Variants in AQP9 observed in about 807,000 individuals in gnomAD.
AQP9 encodes aquaporin-9.
Under a neutral mutation model 23.8 loss-of-function variants are expected in AQP9, and 19 were observed. That is an observed-to-expected ratio of 0.80 (90% CI 0.56 to 1.17). The LOEUF is 1.17. Ranked by LOEUF, AQP9 falls within the 50% of genes most tolerant of loss-of-function variation. AQP9 has a pLI of 0.00. For synonymous variants in AQP9, 153 were observed against 131.5 expected (o/e 1.16, Z -1.12); for missense variants, 413 against 362.0 (o/e 1.14, Z -1.14).
chr15:58,163,057 G>A (rs920545324), intron 1 of AQP9, among the ~76,000 whole-genome samples: 1 of 152,322 alleles, frequency 6.6e-6, no homozygotes, highest in Non-Finnish European at 1.5e-5. Context: ...CAACTAGAAG[G>A]TGGTGTTATG....
intron 1 of AQP9, among the ~76,000 whole-genome samples, chr15:58,142,869 G>T (rs963931528): frequency 6.6e-6 from 1 of 152,118 alleles, no homozygotes; most frequent in South Asian, 2.1e-4. Flanking sequence ...AGCTAGAGCT[G>T]TCAGTTGGCC....
chr15:58,156,718 T>G (rs1898268951), intron 1 of AQP9, among the ~76,000 whole-genome samples: 1 of 152,170 alleles, frequency 6.6e-6, no homozygotes, highest in South Asian at 2.1e-4. Flanking sequence ...CAGGGCCTCA[T>G]TCCCCTGTAC....
At chr15:58,139,635 T>C (rs1897917371) in intron 1 of AQP9, among the ~76,000 whole-genome samples, 1 of 152,244 alleles carries the variant, frequency 6.6e-6, no homozygotes, top group Non-Finnish European at 1.5e-5. Context: ...AAAAGTTCTT[T>C]GCTTGGGGCA....
At chr15:58,173,994 A>T (rs573020064) in intron 3 of AQP9, among the ~76,000 whole-genome samples, 1 of 152,212 alleles carries the variant, frequency 6.6e-6, no homozygotes, top group African/African-American at 2.4e-5. Context: ...GAAATGGGTC[A>T]TGGAGGGCTG....
intron 4 of AQP9, 38 bp downstream of exon 4, chr15:58,175,074 A>AAGAT: frequency 1.3e-6 from 2 of 1,519,472 alleles, no homozygotes; most frequent in South Asian, 2.2e-5. Flanking sequence ...CTTTGGTGAA[A>AAGAT]AGATATGCTC....
chr15:58,145,219 T>C (rs1171194687), intron 1 of AQP9, among the ~76,000 whole-genome samples: 2 of 151,814 alleles, frequency 1.3e-5, no homozygotes, highest in African/African-American at 4.8e-5. Flanking sequence ...TATTTACCCT[T>C]AGGCTGGGCA....
chr15:58,150,282 T>G (rs1898124239), intron 1 of AQP9: 1 of 152,652 alleles, frequency 6.6e-6, no homozygotes, highest in Non-Finnish European at 1.5e-5. Flanking sequence ...GCCATCGCAA[T>G]TACCTTAGGC....
chr15:58,160,256 A>AT (rs11318219), intron 1 of AQP9, among the ~76,000 whole-genome samples: 14,916 of 149,240 alleles, frequency 0.1, 887 homozygotes, highest in Middle Eastern at 0.18. Context: ...ATGCTTGAGC[A>AT]TTTTTTTTTT....
intron 1 of AQP9, chr15:58,154,011 A>T (rs1211564665): frequency 2.6e-5 from 4 of 152,050 alleles, no homozygotes; most frequent in African/African-American, 9.7e-5. Context: ...TTCCCACTTC[A>T]TCCCCCTAAA....
intron 1 of AQP9, among the ~76,000 whole-genome samples, chr15:58,147,091 A>G (rs1228719695): frequency 6.6e-6 from 1 of 152,190 alleles, no homozygotes; most frequent in African/African-American, 2.4e-5. Flanking sequence ...CACTGATCTA[A>G]GGGCTGCAGA....
intron 1 of AQP9, chr15:58,146,702 G>A (rs894513680): frequency 4.6e-5 from 7 of 152,088 alleles, no homozygotes; most frequent in African/African-American, 1.7e-4. Context: ...GTGGCCTAAG[G>A]TGTGGATTTG....
chr15:58,143,857 G>C (rs1447989124), intron 1 of AQP9, among the ~76,000 whole-genome samples: 3 of 152,140 alleles, frequency 2.0e-5, no homozygotes, highest in African/African-American at 7.2e-5. Context: ...TATATACCTA[G>C]AAGAGGACCT....
intron 4 of AQP9, 143 bp downstream of exon 4, chr15:58,175,179 T>C (rs1325890444): frequency 1.1e-5 from 9 of 807,018 alleles, no homozygotes; most frequent in Admixed American, 7.6e-5. Flanking sequence ...CCAAGCTTTC[T>C]TGATAATCGT....
chr15:58,174,421 C>A (rs1298849984), intron 3 of AQP9, among the ~76,000 whole-genome samples: 1 of 152,138 alleles, frequency 6.6e-6, no homozygotes, highest in Non-Finnish European at 1.5e-5. Flanking sequence ...AATTCAGAGC[C>A]CGCTGCTGTG....
At chr15:58,179,841 C>T (rs761220204) in intron 5 of AQP9, among the ~76,000 whole-genome samples, 45 of 152,266 alleles carry the variant, frequency 3.0e-4, no homozygotes, top group Non-Finnish European at 5.6e-4. Flanking sequence ...TCAGCAAAAG[C>T]ACTCACCTTG....
intron 2 of AQP9, among the ~76,000 whole-genome samples, chr15:58,168,921 A>T (rs1014019439): frequency 6.6e-6 from 1 of 152,176 alleles, no homozygotes; most frequent in Non-Finnish European, 1.5e-5. Context: ...TTTTGCCTGC[A>T]TAACACCCTG....
chr15:58,174,669 C>T (rs535045896), intron 3 of AQP9, among the ~76,000 whole-genome samples: 1 of 152,228 alleles, frequency 6.6e-6, no homozygotes, highest in African/African-American at 2.4e-5. Context: ...AGGACCCTAT[C>T]GAAGAATAAT....
chr15:58,163,080 G>A (rs1898416503), intron 1 of AQP9, among the ~76,000 whole-genome samples: 1 of 152,206 alleles, frequency 6.6e-6, no homozygotes, highest in South Asian at 2.1e-4. Flanking sequence ...CAGAAAGGCA[G>A]TTGGGTGGGT....
At chr15:58,166,929 A>G (rs769446203) in intron 2 of AQP9, 130 bp downstream of exon 2, 33 of 1,196,830 alleles carry the variant, frequency 2.8e-5, no homozygotes, top group Non-Finnish European at 3.4e-5. Context: ...ATTGGATCCC[A>G]TTTTTATAGA....
Sources: gnomAD v4.1 joint callset for allele counts (sites outside exome capture counted in the v4.1 genomes callset) on GRCh38, gnomAD v4.1.1 for gene constraint, MANE v1.5 for transcripts, NCBI Gene and HGNC (gene_info 2026-07-23, HGNC 2026-07-21) for gene names.